TRAF7: variants seen among roughly 807,000 people sequenced by gnomAD.
TRAF7 encodes the protein TNF receptor associated factor 7.
TRAF7 carries 45 observed loss-of-function variants against 89.3 expected under a neutral mutation model. That is an observed-to-expected ratio of 0.50 (90% confidence interval 0.40 to 0.65). The LOEUF is 0.65. Ranked by LOEUF, TRAF7 falls within the 30% of genes least tolerant of loss-of-function variation. The pLI is 0.00. For synonymous variants in TRAF7, 406 were observed against 369.2 expected (o/e 1.10, Z -1.14); for missense variants, 677 against 918.1 (o/e 0.74, Z 3.39).
chr16:2,177,933 C>A lies in TRAF7; in HGVS notation c.*1359C>A, dbSNP rs1192615311. On this transcript the variant is annotated 3_prime_UTR_variant, in exon 21 of 21. Transcript: ENST00000326181. Reference sequence around the variant, plus strand: ...CCTCCACTCTGGCCGGAGGAAGGACCGCAGGCAGACAGCCTGGGCCTCTAA... The same window carrying A: ...CCTCCACTCTGGCCGGAGGAAGGACAGCAGGCAGACAGCCTGGGCCTCTAA... 2.9e-6 allele frequency: 1 copy of A among 347,990 alleles called. No individual in the cohort carries two copies. Among genetic ancestry groups the A allele is most frequent in the South Asian group, 2.9e-5 (1 of 34,040 alleles). 21.6% of individuals were successfully genotyped at this position (347,990 alleles called of 1,614,324 possible).
In TRAF7 at chr16:2,163,440, G is replaced by A. The variant is rs533467295; in HGVS notation, c.-38-443G>A. 5.6e-5 allele frequency: 10 copies of A among 179,190 alleles called. No individual in the cohort carries two copies. Among genetic ancestry groups the A allele is most frequent in the South Asian group, 9.9e-5 (1 of 10,106 alleles). 11.1% of individuals were successfully genotyped at this position (179,190 alleles called of 1,614,324 possible). On this transcript the variant is annotated intron_variant, in intron 1 of 20. Transcript: ENST00000326181. This position sits in a 1 kb window ranked among gnomAD's most constrained non-coding sequence, Gnocchi z 4.3. The stretch of plus-strand genomic sequence containing the variant: ...TGTCGTGGCAGGAAACACATTCGTC[G>A]TGCCTTGGCTGGTCCCTGTGTGACT...
chr16:2,174,132 T>C, intron 13 of TRAF7, 84 bp downstream of exon 13: 1 of 1,601,854 alleles, frequency 6.2e-7, no homozygotes, highest in Admixed American at 1.7e-5. Flanking sequence ...TGCCTATGGG[T>C]GGGACCTTCT....
chr16:2,168,385 G>A lies in TRAF7; in HGVS notation c.231+217G>A, dbSNP rs1263716058. On this transcript the variant is annotated intron_variant, in intron 4 of 20. Transcript: ENST00000326181. This position sits in a 1 kb window ranked among gnomAD's most constrained non-coding sequence, Gnocchi z 4.1. ...GGGTGGCAGGGGGCAGCCAGTGAGG[G>A]CAGCTGGGTCAGAGGGCCTGGCACC... 3.8e-6 allele frequency: 2 copies of A among 531,920 alleles called. No homozygotes were observed. The highest frequency in any genetic ancestry group is 3.3e-5 in the Admixed American group (1 of 29,876). The allele number at this position is 531,920 out of a possible 1,614,324, so 33.0% of individuals were successfully genotyped here. A position where few individuals can be genotyped will look rare whatever the true frequency, so the allele number is the denominator to read the frequency against.
At position 2,161,431 on chromosome 16, in the gene TRAF7, T is replaced by C. The variant is rs535349577; in HGVS notation, c.-38-2452T>C. Among the ~76,000 whole-genome samples the C allele has an allele frequency of 2.6e-5, 4 of 152,110 alleles. No homozygotes were observed. The East Asian group carries it at 7.8e-4, about 30-fold the overall frequency. ...TCAGAGTGAGGGGGAAGCCAGACAG[T>C]TGCTCTCCCAGACTGTGAGCAACAG... On this transcript the variant is annotated intron_variant, in intron 1 of 20. Coordinates refer to ENST00000326181, the MANE Select transcript of TRAF7 (RefSeq NM_032271.3). The surrounding 1 kb of genome is among the most constrained non-coding windows in gnomAD (Gnocchi z 5.2).
chr16:2,177,207 G>A lies in TRAF7; in HGVS notation c.*633G>A, dbSNP rs1389344099. 1.6e-5 allele frequency: 4 copies of A among 244,820 alleles called. No individual in the cohort carries two copies. The highest frequency in any genetic ancestry group is 2.2e-5 in the African/African-American group (1 of 45,480). The allele number at this position is 244,820 out of a possible 1,614,324, so 15.2% of individuals were successfully genotyped here. ...TGTTTCCTGCTGTTTATTGACAGCC[G>A]ACGGCAGCGCCTTGCCCAGACCTCC... On this transcript the variant is annotated 3_prime_UTR_variant, in exon 21 of 21. Transcript: ENST00000326181.
chr16:2,173,859 T>TGGGGGGGCCC, intron 12 of TRAF7, 23 bp downstream of exon 12: 7 of 1,246,144 alleles, frequency 5.6e-6, no homozygotes, highest in Non-Finnish European at 7.7e-6. Context: ...CCGCCGTGGC[T>TGGGGGGGCCC]CCCGCCCACC....
intron 19 of TRAF7, 28 bp from the exon 20 acceptor site, chr16:2,176,237 C>T (rs144279672): frequency 1.2e-4 from 191 of 1,599,802 alleles, no homozygotes; most frequent in Middle Eastern, 1.7e-4. Flanking sequence ...TGAGCTCCGG[C>T]GGGCCCTCAC....
chr16:2,164,208 T>C (rs1420535765), intron 2 of TRAF7, among the ~76,000 whole-genome samples: 1 of 148,672 alleles, frequency 6.7e-6, no homozygotes, highest in Non-Finnish European at 1.5e-5. Flanking sequence ...TTGGGGCGTG[T>C]TAGTGCTGTG....
rs907705507 is a variant in TRAF7 at position 2,159,747 on chromosome 16, C to T, written c.-39+3889C>T. Among the ~76,000 whole-genome samples, 3 of 152,230 alleles carry T rather than the reference C, an allele frequency of 2.0e-5. No individual in the cohort carries two copies. Among genetic ancestry groups the T allele is most frequent in the Non-Finnish European group, 2.9e-5 (2 of 68,024 alleles). On this transcript the variant is annotated intron_variant, in intron 1 of 20. Transcript: ENST00000326181. This position sits in a 1 kb window ranked among gnomAD's most constrained non-coding sequence, Gnocchi z 6.5. ...GTTGCAGGCCTCACAGGCACACCCACCCATGGCTTGCGCCCCACACATGTT... is the reference window on the plus strand; with the variant it reads ...GTTGCAGGCCTCACAGGCACACCCATCCATGGCTTGCGCCCCACACATGTT...
chr16:2,160,450 CAGGCAGGCGGTGTGGAT>C (rs1344837603), intron 1 of TRAF7, among the ~76,000 whole-genome samples: 3 of 144,626 alleles, frequency 2.1e-5, no homozygotes, highest in African/African-American at 7.9e-5. Context: ...GTGGTGTGGA[CAGGCAGGCGGTGTGGAT>C]GGGCGGGCGG....
At chr16:2,175,238 T>A in intron 15 of TRAF7, 63 bp from the exon 16 acceptor site, 1 of 1,612,474 alleles carries the variant, frequency 6.2e-7, no homozygotes, top group Non-Finnish European at 8.5e-7. Flanking sequence ...TCTCCCCGTC[T>A]GGGCTCCAGA....
At position 2,175,341 on chromosome 16, in the gene TRAF7, G is replaced by C. The variant is rs921046830; in HGVS notation, c.1427G>C (p.Arg476Pro). Residue 476 changes from arginine (R) to proline (P), a missense_variant, in exon 16 of 21, where the codon CGG (arginine) becomes CCG (proline). Around this residue, in one of 6 missense-constraint regions of TRAF7, gnomAD observed 160 missense variants for 263.7 expected, o/e 0.61. Transcript: ENST00000326181. Reference sequence around the variant, plus strand: ...AACCTGCAGAAGGTGAACACCATCCGGGCCCATGACAACCCGGTGTGCACG... The same window carrying C: ...AACCTGCAGAAGGTGAACACCATCCCGGCCCATGACAACCCGGTGTGCACG... ...IQNLQKVNTI[R>P]AHDNPVCTLV... The C allele has an allele frequency of 2.5e-6, 4 of 1,613,434 alleles. No individual in the cohort carries two copies. Among genetic ancestry groups the C allele is most frequent in the African/African-American group, 2.7e-5 (2 of 74,940 alleles).
In TRAF7 at chr16:2,163,959, CG is replaced by C. The variant is rs753146456; in HGVS notation, c.45del (p.Ser17AlafsTer111). The C allele has an allele frequency of 6.2e-7, 1 of 1,612,820 alleles. No homozygotes were observed. The part of the protein sequence containing the change: ...GKSARYNRFS[G>X]GPSNLPTPDV... ...AGAGTGCCCGCTACAACCGCTTCTC[CG>C]GGGGGCCCAGCAATCTTCCCACCCC... On this transcript the variant is annotated frameshift_variant, in exon 2 of 21. Transcript: ENST00000326181. LOFTEE classifies it high-confidence loss of function. This position sits in a 1 kb window ranked among gnomAD's most constrained non-coding sequence, Gnocchi z 4.3.
At chr16:2,166,657 C>T (rs1170374103) in intron 3 of TRAF7, among the ~76,000 whole-genome samples, 1 of 152,228 alleles carries the variant, frequency 6.6e-6, no homozygotes, top group East Asian at 1.9e-4. Context: ...CTGCCTTGGC[C>T]TCCCAAAGTG....
At chr16:2,170,892 G>C (rs1274953271) in intron 5 of TRAF7, among the ~76,000 whole-genome samples, 162 bp downstream of exon 5, 1 of 152,234 alleles carries the variant, frequency 6.6e-6, no homozygotes, top group Non-Finnish European at 1.5e-5. Flanking sequence ...GGGGACTCGA[G>C]GGACCAGGCC....
rs1311738325 is a variant in TRAF7 at position 2,168,371 on chromosome 16, G to A, written c.231+203G>A. 1.8e-6 allele frequency: 1 copy of A among 545,518 alleles called. No individual in the cohort carries two copies. Among genetic ancestry groups the A allele is most frequent in the Non-Finnish European group, 3.3e-6 (1 of 305,958 alleles). 33.8% of individuals were successfully genotyped at this position (545,518 alleles called of 1,614,324 possible). ...TGTGGCTGGACTGTGGGTGGCAGGG[G>A]GCAGCCAGTGAGGGCAGCTGGGTCA... On this transcript the variant is annotated intron_variant, in intron 4 of 20. Coordinates refer to ENST00000326181, the MANE Select transcript of TRAF7 (RefSeq NM_032271.3). This position sits in a 1 kb window ranked among gnomAD's most constrained non-coding sequence, Gnocchi z 4.1.
rs908292846 is a variant in TRAF7, at chr16:2,158,368, G to A, written c.-39+2510G>A. 7.9e-5 allele frequency among the ~76,000 whole-genome samples: 12 copies of A among 152,214 alleles called. No homozygotes were observed. Among genetic ancestry groups the A allele is most frequent in the East Asian group, 3.9e-4 (2 of 5,194 alleles). On this transcript the variant is annotated intron_variant, in intron 1 of 20. Transcript: ENST00000326181. This position sits in a 1 kb window ranked among gnomAD's most constrained non-coding sequence, Gnocchi z 4.7. ...GGTGGGGCAGGTGAAAGGGGAAAGC[G>A]GGCACTGGAGGCTGGGGCTGGTCAC...
intron 9 of TRAF7, among the ~76,000 whole-genome samples, 181 bp from the exon 10 acceptor site, chr16:2,173,001 T>C (rs2093119797): frequency 6.6e-6 from 1 of 150,766 alleles, no homozygotes; most frequent in Non-Finnish European, 1.5e-5. Context: ...TGATGGGATC[T>C]CACTTGTGAA....
At position 2,178,080 on chromosome 16, in the gene TRAF7, G is replaced by A. The variant is rs761536655; in HGVS notation, c.*1506G>A. 1 of 488,984 alleles carries A rather than the reference G, an allele frequency of 2.0e-6. No homozygotes were observed. Among genetic ancestry groups the A allele is most frequent in the Non-Finnish European group, 3.9e-6 (1 of 254,970 alleles). The allele number at this position is 488,984 out of a possible 1,614,324, so 30.3% of individuals were successfully genotyped here. On this transcript the variant is annotated 3_prime_UTR_variant, in exon 21 of 21. Transcript: ENST00000326181. ...AAGTTATACCTTTTTGTTTCTCTGGGGAAATCCGCCTCAGCTCATTCCCAA... is the reference window on the plus strand; with the variant it reads ...AAGTTATACCTTTTTGTTTCTCTGGAGAAATCCGCCTCAGCTCATTCCCAA...
Sources: allele counts gnomAD v4.1 joint callset (sites outside exome capture counted in the v4.1 genomes callset), GRCh38; gene constraint gnomAD v4.1.1; regional missense constraint gnomAD v4.1.1; non-coding constraint Gnocchi (gnomAD v3.1); transcripts MANE v1.5; gene names NCBI Gene and HGNC (gene_info 2026-07-23, HGNC 2026-07-21).